MTUS1: variants seen among roughly 807,000 people sequenced by gnomAD.
MTUS1 encodes the protein microtubule-associated tumor suppressor 1.
In MTUS1, 109 loss-of-function variants were observed where a neutral mutation model predicts 120.8. The observed-to-expected ratio is 0.90, with a 90% confidence interval of 0.77 to 1.06. MTUS1 has a LOEUF of 1.06. MTUS1 is among the 50% of genes least tolerant of loss of function. MTUS1 has a pLI of 0.00. For synonymous variants in MTUS1, 737 were observed against 550.5 expected (o/e 1.34, Z -4.74); for missense variants, 2,210 against 1,486.3 (o/e 1.49, Z -8.01).
chr8:17,798,453 G>A (rs766450884), intron 1 of MTUS1, among the ~76,000 whole-genome samples: 4 of 151,808 alleles, frequency 2.6e-5, no homozygotes, highest in African/African-American at 9.7e-5. Flanking sequence ...CTGCCTCAGC[G>A]TCCCAAGTAG....
At chr8:17,694,053 A>C (rs189823142) in intron 6 of MTUS1, among the ~76,000 whole-genome samples, 4 of 152,332 alleles carry the variant, frequency 2.6e-5, no homozygotes, top group Non-Finnish European at 4.4e-5. Flanking sequence ...ATTATACAAA[A>C]GTGTTCATAT....
chr8:17,778,996 A>T (rs1342847338), intron 1 of MTUS1, among the ~76,000 whole-genome samples: 5 of 152,158 alleles, frequency 3.3e-5, no homozygotes, highest in Non-Finnish European at 7.3e-5. Flanking sequence ...AAATAGACAA[A>T]AAAATAGACA....
chr8:17,744,795 G>A (rs1043365082), intron 2 of MTUS1, among the ~76,000 whole-genome samples: 6 of 149,622 alleles, frequency 4.0e-5, no homozygotes, highest in Non-Finnish European at 8.9e-5. Flanking sequence ...CTGCCGCCTC[G>A]GCCTCCCAAA....
chr8:17,670,274 T>C (rs939067373), intron 8 of MTUS1, among the ~76,000 whole-genome samples: 1 of 152,130 alleles, frequency 6.6e-6, no homozygotes, highest in Admixed American at 6.5e-5. Context: ...CTGGGAAGCA[T>C]CTGCAGCTTG....
Position 17,715,623 on chromosome 8 carries a change from A to C in MTUS1, c.2584+144T>G. 6.5e-6 allele frequency: 6 copies of C among 919,358 alleles called. No individual in the cohort carries two copies. In the South Asian group the frequency reaches 9.8e-5, roughly 15 times the overall value. 57.0% of individuals were successfully genotyped at this position (919,358 alleles called of 1,614,324 possible). On this transcript the variant is annotated intron_variant, in intron 5 of 14. Coordinates refer to ENST00000693296, the MANE Select transcript of MTUS1 (RefSeq NM_001363059.2). ...GTCAGAAAAACAATTTCCTCAGTGC[A>C]AAAATGTATTATATCTCCTTTCTCA...
At chr8:17,708,158 G>C (rs1820536646) in intron 6 of MTUS1, among the ~76,000 whole-genome samples, 1 of 152,168 alleles carries the variant, frequency 6.6e-6, no homozygotes, top group African/African-American at 2.4e-5. Flanking sequence ...ACATTATCAA[G>C]AAAGTGAAAA....
In MTUS1 at chr8:17,754,914, G is replaced by A; in HGVS notation, c.894C>T (p.Gly298=). ...ATGCAGAATCATTGGGGACTTCCAT[G>A]CCATCAGAAACTGGTGTTAGTGCTT... The part of the protein sequence containing the change: ...ETQALTPVSD[G]MEVPNDSALQ... The change falls in exon 2 of 15, where the codon GGC becomes GGT. Residue 298 remains glycine, a synonymous_variant. Transcript: ENST00000693296. 3 of 1,614,202 alleles carry A rather than the reference G, an allele frequency of 1.9e-6. No homozygotes were observed. The highest frequency in any genetic ancestry group is 2.5e-6 in the Non-Finnish European group (3 of 1,180,032).
chr8:17,683,917 A>C (rs1441673279), intron 7 of MTUS1, among the ~76,000 whole-genome samples: 1 of 152,222 alleles, frequency 6.6e-6, no homozygotes, highest in Non-Finnish European at 1.5e-5. Flanking sequence ...GAGTTAACTC[A>C]AAAGTGCTCT....
intron 3 of MTUS1, among the ~76,000 whole-genome samples, chr8:17,728,387 G>T (rs555460666): frequency 2.0e-5 from 3 of 152,274 alleles, no homozygotes; most frequent in East Asian, 1.9e-4. Flanking sequence ...TTACAGGTGT[G>T]AGCCACCGTG....
intron 6 of MTUS1, among the ~76,000 whole-genome samples, chr8:17,698,474 A>G (rs1818405047): frequency 6.6e-6 from 1 of 152,240 alleles, no homozygotes; most frequent in South Asian, 2.1e-4. Flanking sequence ...TAAACCACGA[A>G]TAGCCTGAGC....
chr8:17,769,503 A>G (rs1378449803), intron 1 of MTUS1, among the ~76,000 whole-genome samples: 4 of 150,212 alleles, frequency 2.7e-5, no homozygotes, highest in Middle Eastern at 3.4e-3. Flanking sequence ...GCCCGCCACC[A>G]CGCCCAGATA....
Position 17,649,846 on chromosome 8 carries a change from C to A in MTUS1, c.3501G>T (p.Leu1167=). The change falls in exon 13 of 15, where the codon CTG becomes CTT. Residue 1167 remains leucine, a splice_region_variant and synonymous_variant. Coordinates refer to ENST00000693296, the MANE Select transcript of MTUS1 (RefSeq NM_001363059.2). The stretch of plus-strand genomic sequence containing the variant: ...CTCTTTCATTCTGAAGGAAACATAC[C>A]AGTTTCTCCATTTTCATTAACTTGA... The part of the protein sequence containing the change: ...QDIKLMKMEK[L]VDNNTALVDK... The A allele has an allele frequency of 6.7e-7, 1 of 1,492,020 alleles. No homozygotes were observed. The highest frequency in any genetic ancestry group is 9.4e-7 in the Non-Finnish European group (1 of 1,069,304). The allele number at this position is 1,492,020 out of a possible 1,614,324, so 92.4% of individuals were successfully genotyped here.
intron 3 of MTUS1, 99 bp downstream of exon 3, chr8:17,743,505 G>C (rs1300343099): frequency 8.8e-7 from 1 of 1,136,424 alleles, no homozygotes; most frequent in Non-Finnish European, 1.3e-6. Context: ...TCCACAAAAG[G>C]CTAACTGCTT....
intron 3 of MTUS1, among the ~76,000 whole-genome samples, chr8:17,725,825 G>A (rs1292279656): frequency 6.6e-6 from 1 of 152,150 alleles, no homozygotes; most frequent in Admixed American, 6.5e-5. Context: ...TATTTTATGT[G>A]TGGCCCAAGA....
chr8:17,800,128 C>T (rs117773238), intron 1 of MTUS1, among the ~76,000 whole-genome samples: 3,342 of 152,174 alleles, frequency 0.022, 61 homozygotes, highest in South Asian at 0.036. Flanking sequence ...TGTATATACC[C>T]TCCTTAAAGA....
rs199784753 is a variant in MTUS1, at chr8:17,754,432, C to T, written c.1376G>A (p.Arg459Gln). The T allele has an allele frequency of 8.5e-5, 137 of 1,613,980 alleles. No homozygotes were observed. The highest frequency in any genetic ancestry group is 7.2e-4 in the Admixed American group (43 of 59,990). Residue 459 changes from arginine to glutamine, a missense_variant, in exon 2 of 15, where the codon CGA (arginine) becomes CAA (glutamine). Transcript: ENST00000693296. Reference sequence around the variant, plus strand: ...CGAGTCTGGTATGTTTTTAAGCCCTCGATTACCCTTCTCCACTTTCTTACA... The same window carrying T: ...CGAGTCTGGTATGTTTTTAAGCCCTTGATTACCCTTCTCCACTTTCTTACA... ...EKCKKVEKGN[R>Q]GLKNIPDSKE...
At chr8:17,770,381 G>C (rs2049934506) in intron 1 of MTUS1, 1 of 152,136 alleles carries the variant, frequency 6.6e-6, no homozygotes, top group African/African-American at 2.4e-5. Flanking sequence ...TGAAACTTGA[G>C]TGGTTTTAAT....
intron 6 of MTUS1, among the ~76,000 whole-genome samples, chr8:17,693,946 C>T (rs1471291654): frequency 1.3e-5 from 2 of 152,222 alleles, no homozygotes; most frequent in African/African-American, 2.4e-5. Flanking sequence ...AAGGGAAAGG[C>T]TGGAGGCACA....
At chr8:17,784,459 C>T (rs901981896) in intron 1 of MTUS1, among the ~76,000 whole-genome samples, 3 of 152,218 alleles carry the variant, frequency 2.0e-5, no homozygotes, top group Non-Finnish European at 2.9e-5. Flanking sequence ...CCATGCCCGG[C>T]TAATTCTGTA....
Sources: gnomAD v4.1 joint callset for allele counts (sites outside exome capture counted in the v4.1 genomes callset) on GRCh38, gnomAD v4.1.1 for gene constraint, MANE v1.5 for transcripts, NCBI Gene and HGNC (gene_info 2026-07-23, HGNC 2026-07-21) for gene names.